Variants in CFDP1 observed in about 807,000 individuals in gnomAD.
CFDP1 encodes the protein heterochromatin-stabilizing protein CFDP1.
CFDP1 carries 31 observed loss-of-function variants against 40.1 expected under a neutral mutation model. The observed-to-expected ratio is 0.77, with a 90% CI of 0.58 to 1.04. The LOEUF (loss-of-function observed/expected upper bound fraction) is 1.04. Ranked by LOEUF, CFDP1 falls within the 50% of genes least tolerant of loss-of-function variation. The probability of loss-of-function intolerance (pLI) is 0.00; values close to 1 mark genes in which losing one functional copy is unlikely to be tolerated. For synonymous variants in CFDP1, 167 were observed against 120.0 expected (o/e 1.39, Z -2.56); for missense variants, 423 against 343.4 (o/e 1.23, Z -1.83).
intron 1 of CFDP1, among the ~76,000 whole-genome samples, chr16:75,423,220 G>T (rs1036267469): frequency 6.7e-6 from 1 of 148,760 alleles, no homozygotes; most frequent in African/African-American, 2.5e-5. Context: ...GGCAGGGCTG[G>T]CAGTGAACCG....
chr16:75,356,914 T>TTC (rs1555558237), intron 5 of CFDP1, among the ~76,000 whole-genome samples: 19 of 142,220 alleles, frequency 1.3e-4, no homozygotes, highest in Non-Finnish European at 2.1e-4. Context: ...TTTCTTTCTT[T>TTC]TTTTTTTTTT....
At chr16:75,397,810 T>C (rs11862719) in intron 4 of CFDP1, among the ~76,000 whole-genome samples, 2 of 151,724 alleles carry the variant, frequency 1.3e-5, no homozygotes, top group Non-Finnish European at 2.9e-5. Context: ...TCTCAAAAAA[T>C]AAATAAATAA....
intron 5 of CFDP1, among the ~76,000 whole-genome samples, chr16:75,364,356 G>C (rs776285859): frequency 6.6e-6 from 1 of 152,132 alleles, no homozygotes; most frequent in Non-Finnish European, 1.5e-5. Context: ...TTAGCTGCCT[G>C]AGTATCCTTC....
intron 5 of CFDP1, among the ~76,000 whole-genome samples, chr16:75,371,794 T>C (rs756669355): frequency 1.3e-5 from 2 of 152,220 alleles, no homozygotes; most frequent in Non-Finnish European, 2.9e-5. Flanking sequence ...AAAATGTTGA[T>C]TAAATCTATA....
At chr16:75,418,344 C>T (rs1482688101) in intron 1 of CFDP1, among the ~76,000 whole-genome samples, 1 of 138,442 alleles carries the variant, frequency 7.2e-6, no homozygotes, top group Non-Finnish European at 1.5e-5. Context: ...CTCGCTCTGT[C>T]GCCCAGGCTA....
chr16:75,360,703 T>C (rs1352046099), intron 5 of CFDP1, among the ~76,000 whole-genome samples: 1 of 152,208 alleles, frequency 6.6e-6, no homozygotes, highest in Non-Finnish European at 1.5e-5. Flanking sequence ...ACAGAATAAG[T>C]CTTATTAATA....
intron 5 of CFDP1, among the ~76,000 whole-genome samples, chr16:75,374,424 A>C (rs571401947): frequency 9.8e-5 from 15 of 152,296 alleles, no homozygotes; most frequent in African/African-American, 3.6e-4. Context: ...TAAATAAAAA[A>C]CACTTATATG....
chr16:75,418,932 G>A (rs1163034170), intron 1 of CFDP1: 1 of 180,004 alleles, frequency 5.6e-6, no homozygotes, highest in Admixed American at 5.6e-5. Flanking sequence ...TTGAGCCCAT[G>A]AGTTCGAGAC....
At chr16:75,398,360 C>A (rs762427130) in intron 4 of CFDP1, among the ~76,000 whole-genome samples, 1 of 152,152 alleles carries the variant, frequency 6.6e-6, no homozygotes, top group Admixed American at 6.6e-5. Flanking sequence ...ATTTCCCATC[C>A]CCACATGCTC....
At chr16:75,410,278 T>C (rs1163084042) in intron 4 of CFDP1, among the ~76,000 whole-genome samples, 2 of 152,064 alleles carry the variant, frequency 1.3e-5, no homozygotes, top group African/African-American at 4.8e-5. Flanking sequence ...TGATTGGCAC[T>C]TCCTCTGTTC....
At chr16:75,348,039 G>T (rs1346411117) in intron 5 of CFDP1, among the ~76,000 whole-genome samples, 22 of 152,182 alleles carry the variant, frequency 1.4e-4, no homozygotes, top group Non-Finnish European at 2.9e-4. Context: ...TTTGGGTCCT[G>T]GAACACAAAC....
chr16:75,399,915 A>G (rs868210208), intron 4 of CFDP1, among the ~76,000 whole-genome samples: 2 of 152,042 alleles, frequency 1.3e-5, no homozygotes, highest in African/African-American at 4.8e-5. Flanking sequence ...CAGCCTGATC[A>G]ACATGGAGAA....
At chr16:75,376,381 G>A (rs967341243) in intron 5 of CFDP1, among the ~76,000 whole-genome samples, 3 of 152,096 alleles carry the variant, frequency 2.0e-5, no homozygotes, top group African/African-American at 7.2e-5. Flanking sequence ...ATAAACTGTG[G>A]TATATATGAA....
chr16:75,308,887 A>C (rs1036009186), intron 5 of CFDP1, among the ~76,000 whole-genome samples: 1 of 152,216 alleles, frequency 6.6e-6, no homozygotes, highest in Admixed American at 6.5e-5. Flanking sequence ...GAAAAAAACC[A>C]TAATACCCCT....
intron 5 of CFDP1, among the ~76,000 whole-genome samples, chr16:75,379,384 G>C (rs1041438713): frequency 6.6e-6 from 1 of 151,476 alleles, no homozygotes; most frequent in Non-Finnish European, 1.5e-5. Context: ...AATATCGGAG[G>C]TAATGAAATG....
chr16:75,297,146 T>TTTTGTG (rs1555551779), intron 6 of CFDP1, among the ~76,000 whole-genome samples: 109 of 133,076 alleles, frequency 8.2e-4, no homozygotes, highest in African/African-American at 2.8e-3. Flanking sequence ...TTCCCATTTC[T>TTTTGTG]TGTGTGTGTG....
At chr16:75,408,536 TG>T (rs2079125342) in intron 4 of CFDP1, among the ~76,000 whole-genome samples, 1 of 152,068 alleles carries the variant, frequency 6.6e-6, no homozygotes, top group South Asian at 2.1e-4. Flanking sequence ...TGCAGCACTT[TG>T]GGAGGCTGAG....
At chr16:75,298,744 A>G (rs1310969873) in intron 6 of CFDP1, among the ~76,000 whole-genome samples, 3 of 152,210 alleles carry the variant, frequency 2.0e-5, no homozygotes, top group African/African-American at 7.2e-5. Flanking sequence ...CTCAAGGGTT[A>G]GACTGGAAGG....
At chr16:75,392,657 C>G (rs916287812) in intron 5 of CFDP1, among the ~76,000 whole-genome samples, 2 of 152,114 alleles carry the variant, frequency 1.3e-5, no homozygotes, top group African/African-American at 4.8e-5. Flanking sequence ...GCCACCAAGC[C>G]CAGCTAATTT....
Sources: gnomAD v4.1 joint callset for allele counts (sites outside exome capture counted in the v4.1 genomes callset) on GRCh38, gnomAD v4.1.1 for gene constraint, MANE v1.5 for transcripts, NCBI Gene and HGNC (gene_info 2026-07-23, HGNC 2026-07-21) for gene names.